PRIM2: variants seen among roughly 807,000 people sequenced by gnomAD.
The protein encoded by PRIM2 is DNA primase large subunit.
PRIM2 carries 39 observed loss-of-function variants against 67.3 expected under a neutral mutation model. That is an observed-to-expected ratio of 0.58 (90% confidence interval 0.45 to 0.76). The LOEUF (loss-of-function observed/expected upper bound fraction) is 0.76, where lower values mean the gene tolerates loss of function less well. Ranked by LOEUF, PRIM2 falls within the 30% of genes least tolerant of loss-of-function variation. The pLI is 0.00. For synonymous variants in PRIM2, 143 were observed against 198.7 expected, an observed-to-expected ratio of 0.72 and a Z score of 2.36; for missense variants, 398 against 598.7, an observed-to-expected ratio of 0.66 and a Z score of 3.50.
intron 13 of PRIM2, among the ~76,000 whole-genome samples, chr6:57,641,968 C>G (rs1777244629): frequency 1.3e-5 from 2 of 152,190 alleles, no homozygotes; most frequent in Non-Finnish European, 2.9e-5. Flanking sequence ...ATAGCAAAGA[C>G]TTGGAACCAA....
intron 7 of PRIM2, among the ~76,000 whole-genome samples, chr6:57,476,175 A>G (rs2127403837): frequency 6.6e-6 from 1 of 152,304 alleles, no homozygotes; most frequent in African/African-American, 2.4e-5. Context: ...TATTGGAATT[A>G]TTGTAGTTTA....
intron 10 of PRIM2, among the ~76,000 whole-genome samples, chr6:57,583,339 C>T (rs1401803283): frequency 1.8e-5 from 2 of 108,706 alleles, no homozygotes; most frequent in East Asian, 6.8e-4. Flanking sequence ...TCCCCCCACC[C>T]CACAACAGTC....
At chr6:57,385,023 A>G (rs1770093543) in intron 7 of PRIM2, among the ~76,000 whole-genome samples, 1 of 152,206 alleles carries the variant, frequency 6.6e-6, no homozygotes, top group Non-Finnish European at 1.5e-5. Context: ...ACACATTTTT[A>G]TTTTAGATAA....
At position 57,442,598 on chromosome 6, in the gene PRIM2, G is replaced by T. The variant is rs1192251068; in HGVS notation, c.693+60430G>T. On this transcript the variant is annotated intron_variant, in intron 7 of 13. Transcript: ENST00000615550. ...CCTTTTGTCACCTAATTTAATCATGGTGGTATTTTTTTGGTTCTGTCATTG... is the reference window on the plus strand; with the variant it reads ...CCTTTTGTCACCTAATTTAATCATGTTGGTATTTTTTTGGTTCTGTCATTG... Among the ~76,000 whole-genome samples the T allele has an allele frequency of 1.3e-5, 2 of 152,036 alleles. 1 individual carries two copies. Among genetic ancestry groups the T allele is most frequent in the Non-Finnish European group, 2.9e-5 (2 of 67,984 alleles).
chr6:57,439,496 A>C (rs1425489358), intron 7 of PRIM2, among the ~76,000 whole-genome samples: 17 of 140,714 alleles, frequency 1.2e-4, no homozygotes, highest in Admixed American at 1.2e-3. Flanking sequence ...GCTCACTGCA[A>C]ACTTTGCCTT....
At chr6:57,244,865 C>T in the PRIM2 span, among the ~76,000 whole-genome samples, 2 of 152,268 alleles carry the variant, frequency 1.3e-5, no homozygotes, top group Admixed American at 1.3e-4. Flanking sequence ...CTCCCTGAAA[C>T]GTTTTATTGC....
At chr6:57,643,278 A>T (rs1223241005) in intron 13 of PRIM2, among the ~76,000 whole-genome samples, 6 of 152,326 alleles carry the variant, frequency 3.9e-5, no homozygotes, top group African/African-American at 1.2e-4. Context: ...ATGTTTTTCT[A>T]ATCTTTGTAG....
chr6:57,493,097 G>A (rs1554346115), intron 7 of PRIM2, among the ~76,000 whole-genome samples: 1 of 152,124 alleles, frequency 6.6e-6, no homozygotes, highest in East Asian at 1.9e-4. Context: ...ATGCTTAACA[G>A]GCAGTTCAGA....
the PRIM2 span, among the ~76,000 whole-genome samples, chr6:57,263,162 A>G: frequency 6.6e-6 from 1 of 152,208 alleles, no homozygotes; most frequent in South Asian, 2.1e-4. Flanking sequence ...TCAAAGTTCA[A>G]TTTATGTGTC....
At chr6:57,494,693 T>G (rs1230839052) in intron 7 of PRIM2, among the ~76,000 whole-genome samples, 1 of 152,116 alleles carries the variant, frequency 6.6e-6, no homozygotes, top group African/African-American at 2.4e-5. Context: ...GTAAGGAAAA[T>G]AAAAAGGAGA....
chr6:57,490,027 T>G (rs1252203521), intron 7 of PRIM2, among the ~76,000 whole-genome samples: 1 of 151,352 alleles, frequency 6.6e-6, no homozygotes, highest in Non-Finnish European at 1.5e-5. Context: ...GAAGTTGGTG[T>G]TAGTTGGGTT....
intron 10 of PRIM2, among the ~76,000 whole-genome samples, chr6:57,544,072 G>A (rs1310579737): frequency 6.6e-6 from 1 of 152,170 alleles, no homozygotes; most frequent in Admixed American, 6.5e-5. Context: ...AAAGAAACAC[G>A]AAAAGCAGCT....
At chr6:57,592,606 C>G (rs1377478257) in intron 10 of PRIM2, among the ~76,000 whole-genome samples, 1 of 151,982 alleles carries the variant, frequency 6.6e-6, no homozygotes, top group Non-Finnish European at 1.5e-5. Context: ...ACCAGCCTGG[C>G]CAACATGCAA....
chr6:57,543,190 C>A (rs1391330854), intron 10 of PRIM2, among the ~76,000 whole-genome samples: 2 of 151,818 alleles, frequency 1.3e-5, no homozygotes, highest in South Asian at 4.2e-4. Flanking sequence ...CCGCCCGCCT[C>A]GGCCTCCCAA....
chr6:57,566,762 T>C (rs1207530888), intron 10 of PRIM2, among the ~76,000 whole-genome samples: 59 of 152,218 alleles, frequency 3.9e-4, no homozygotes, highest in African/African-American at 1.3e-3. Flanking sequence ...TGTTTTATTT[T>C]CTGCATAAAT....
intron 12 of PRIM2, among the ~76,000 whole-genome samples, chr6:57,611,861 A>T (rs1776673040): frequency 6.6e-6 from 1 of 152,116 alleles, no homozygotes; most frequent in Admixed American, 6.6e-5. Flanking sequence ...TTCATAAAAG[A>T]TGTGAATCCA....
chr6:57,631,922 T>A (rs1268054513), intron 12 of PRIM2, among the ~76,000 whole-genome samples: 1 of 152,196 alleles, frequency 6.6e-6, no homozygotes, highest in Non-Finnish European at 1.5e-5. Flanking sequence ...CTGTCTCTTG[T>A]CATCTGTGGT....
the PRIM2 span, among the ~76,000 whole-genome samples, chr6:57,262,101 C>T: frequency 1.4e-4 from 21 of 152,162 alleles, no homozygotes; most frequent in African/African-American, 4.6e-4. Context: ...CCCAGATCAG[C>T]AGTGTGGTAT....
At chr6:57,520,554 G>A (rs1246070326) in intron 8 of PRIM2, among the ~76,000 whole-genome samples, 2 of 152,088 alleles carry the variant, frequency 1.3e-5, no homozygotes, top group Admixed American at 1.3e-4. Flanking sequence ...TTTGTTGGGG[G>A]TCTTAAAGTT....
Sources: allele counts gnomAD v4.1 joint callset (sites outside exome capture counted in the v4.1 genomes callset), GRCh38; gene constraint gnomAD v4.1.1; transcripts MANE v1.5; gene names NCBI Gene and HGNC (gene_info 2026-07-23, HGNC 2026-07-21).